ATP8A1: variants seen among roughly 807,000 people sequenced by gnomAD.
The protein encoded by ATP8A1 is phospholipid-transporting ATPase IA.
Under a neutral mutation model 177.7 loss-of-function variants are expected in ATP8A1, and 90 were observed. The ratio of observed to expected loss-of-function variants is 0.51; its 90% confidence interval spans 0.43 to 0.60. The LOEUF (loss-of-function observed/expected upper bound fraction) is 0.60. Ranked by LOEUF, ATP8A1 falls within the 20% of genes least tolerant of loss-of-function variation. The pLI, the probability that ATP8A1 is intolerant of heterozygous loss-of-function variation, is 0.00. For synonymous variants in ATP8A1, 493 were observed against 485.9 expected (o/e 1.01, Z -0.19); for missense variants, 1,072 against 1,392.8 (o/e 0.77, Z 3.67).
At chr4:42,610,488 G>A (rs73237910) in intron 5 of ATP8A1, among the ~76,000 whole-genome samples, 49,909 of 151,282 alleles carry the variant, frequency 0.33, 8,277 homozygotes, top group East Asian at 0.49. Flanking sequence ...CACGAATAAA[G>A]CACAGAGCAA....
intron 25 of ATP8A1, among the ~76,000 whole-genome samples, chr4:42,484,209 A>G (rs944992532): frequency 3.3e-5 from 5 of 152,336 alleles, no homozygotes; most frequent in Non-Finnish European, 5.9e-5. Context: ...GAGAATACCA[A>G]AGTAAAAATG....
chr4:42,563,800 G>A (rs1731083290), intron 15 of ATP8A1, among the ~76,000 whole-genome samples: 1 of 152,206 alleles, frequency 6.6e-6, no homozygotes, highest in African/African-American at 2.4e-5. Context: ...CAGAAATCAA[G>A]AATTGAGGTT....
chr4:42,566,509 A>AT (rs1482312819), intron 15 of ATP8A1, among the ~76,000 whole-genome samples: 1 of 152,176 alleles, frequency 6.6e-6, no homozygotes, highest in Non-Finnish European at 1.5e-5. Flanking sequence ...GGTTGGGCAA[A>AT]TGCTCAAAGT....
chr4:42,521,027 C>A (rs566818862), intron 22 of ATP8A1, among the ~76,000 whole-genome samples: 2 of 152,172 alleles, frequency 1.3e-5, no homozygotes, highest in East Asian at 3.9e-4. Flanking sequence ...GGGAAATAGT[C>A]CAGGGAGGTA....
In ATP8A1 at chr4:42,624,641, G is replaced by GTA; in HGVS notation, c.265-8_265-7insTA. 1 of 1,108,556 alleles carries GTA rather than the reference G, an allele frequency of 9.0e-7. No homozygotes were observed. Among genetic ancestry groups the GTA allele is most frequent in the Non-Finnish European group, 1.2e-6 (1 of 850,034 alleles). 68.7% of individuals were successfully genotyped at this position (1,108,556 alleles called of 1,614,324 possible). On this transcript the variant is annotated splice_region_variant and splice_polypyrimidine_tract_variant and intron_variant, in intron 3 of 36. Coordinates refer to ENST00000381668, the MANE Select transcript of ATP8A1 (RefSeq NM_006095.2). ...GTGACACATCAGGTATTTGCTGTTTGGAAAAAAAAAAAAAAGAGAAATCCA... is the reference window on the plus strand; with the variant it reads ...GTGACACATCAGGTATTTGCTGTTTGTAGAAAAAAAAAAAAAAGAGAAATCCA...
chr4:42,646,478 C>T lies in ATP8A1; in HGVS notation c.49+10347G>A, dbSNP rs529897424. ...AAGCTGGAAGATTTGTTTTATACAA[C>T]GTTAGCTTTACTTCAGGACCAGAAT... On this transcript the variant is annotated intron_variant, in intron 1 of 36. Coordinates refer to ENST00000381668, the MANE Select transcript of ATP8A1 (RefSeq NM_006095.2). 7.2e-5 allele frequency among the ~76,000 whole-genome samples: 11 copies of T among 152,328 alleles called. No homozygotes were observed. The South Asian group carries it at 2.1e-3, about 29-fold the overall frequency.
At position 42,507,100 on chromosome 4, in the gene ATP8A1, G is replaced by A. The variant is rs1724440987; in HGVS notation, c.2002C>T (p.Pro668Ser). ...AIEDKLQDQVPETIETLMKAD... is the reference protein window; with the variant it reads ...AIEDKLQDQVSETIETLMKAD... ...TTCATTAGCGTTTCTATGGTTTCAGGCACTTGATCTTGTAATTTATCCTCA... is the reference window on the plus strand; with the variant it reads ...TTCATTAGCGTTTCTATGGTTTCAGACACTTGATCTTGTAATTTATCCTCA... The change falls in exon 23 of 37, where the codon CCT (proline) becomes TCT (serine). Residue 668 changes from proline (P) to serine (S), a missense_variant. Around this residue, in one of 5 missense-constraint regions of ATP8A1, gnomAD observed 388 missense variants for 471.7 expected, o/e 0.82. Transcript: ENST00000381668. 1 of 1,613,866 alleles carries A rather than the reference G, an allele frequency of 6.2e-7. No individual in the cohort carries two copies. Among genetic ancestry groups the A allele is most frequent in the African/African-American group, 1.3e-5 (1 of 74,906 alleles).
At chr4:42,646,095 G>C (rs1236718576) in intron 1 of ATP8A1, among the ~76,000 whole-genome samples, 1 of 152,208 alleles carries the variant, frequency 6.6e-6, no homozygotes, top group Non-Finnish European at 1.5e-5. Context: ...ATGGGGCAAC[G>C]ATGTGGGTTC....
At chr4:42,420,446 T>C (rs778009111) in intron 35 of ATP8A1, among the ~76,000 whole-genome samples, 12 of 152,166 alleles carry the variant, frequency 7.9e-5, no homozygotes, top group Admixed American at 5.2e-4. Context: ...TATGGAGAAG[T>C]TGGTGGTCAT....
rs1713046518 is a variant in ATP8A1 at position 42,414,817 on chromosome 4, A to G, written c.3306-99T>C. 3 of 847,072 alleles carry G rather than the reference A, an allele frequency of 3.5e-6. No individual in the cohort carries two copies. In the South Asian group the frequency reaches 4.3e-5, roughly 12 times the overall value. The allele number at this position is 847,072 out of a possible 1,614,324, so 52.5% of individuals were successfully genotyped here. A position where few individuals can be genotyped will look rare whatever the true frequency, so the allele number is the denominator to read the frequency against. On this transcript the variant is annotated intron_variant, in intron 35 of 36. Transcript: ENST00000381668. The stretch of plus-strand genomic sequence containing the variant: ...AAAGAGAGTTAGACTTAAACAAAAG[A>G]TTGCTCGAGAAATCCGTAGCCTAGT...
chr4:42,525,277 G>A (rs1336703530), intron 20 of ATP8A1, among the ~76,000 whole-genome samples: 1 of 152,156 alleles, frequency 6.6e-6, no homozygotes, highest in Non-Finnish European at 1.5e-5. Flanking sequence ...AATCCTCGGG[G>A]ACTTTAAAAT....
intron 16 of ATP8A1, among the ~76,000 whole-genome samples, chr4:42,555,148 ATCTATCTATCT>A (rs1560454885): frequency 2.5e-3 from 221 of 87,294 alleles, no homozygotes; most frequent in Non-Finnish European, 3.6e-3. Flanking sequence ...TAATCTATCT[ATCTATCTATCT>A]ATCTATCTAT....
intron 20 of ATP8A1, among the ~76,000 whole-genome samples, chr4:42,541,600 T>C (rs960896003): frequency 6.6e-6 from 1 of 152,214 alleles, no homozygotes; most frequent in African/African-American, 2.4e-5. Context: ...ATTCATATAA[T>C]GGCCAAAATT....
rs571314470 is a variant in ATP8A1, at chr4:42,574,528, T to A, written c.1295+91A>T. The A allele has an allele frequency of 3.0e-4, 303 of 1,008,920 alleles. 2 individuals carry two copies. In the South Asian group the frequency reaches 3.7e-3, roughly 12 times the overall value. The allele number at this position is 1,008,920 out of a possible 1,614,324, so 62.5% of individuals were successfully genotyped here. On this transcript the variant is annotated intron_variant, in intron 14 of 36. Transcript: ENST00000381668. ...GACTAAAAAAAACCAAACAACCCCA[T>A]ACCCTCCCCTAATAAGAACTCCCAA...
At chr4:42,489,283 C>G (rs1578036541) in intron 24 of ATP8A1, among the ~76,000 whole-genome samples, 1 of 152,130 alleles carries the variant, frequency 6.6e-6, no homozygotes, top group East Asian at 1.9e-4. Flanking sequence ...TCAAGTAAAC[C>G]CCAGAACTGT....
intron 5 of ATP8A1, among the ~76,000 whole-genome samples, chr4:42,611,904 G>A (rs756630544): frequency 6.6e-6 from 1 of 152,206 alleles, no homozygotes; most frequent in Admixed American, 6.5e-5. Flanking sequence ...TAGACACATG[G>A]AGGAGGCTGT....
Position 42,523,958 on chromosome 4 carries a change from A to G in ATP8A1, c.1807+805T>C, listed in dbSNP as rs145684990. On this transcript the variant is annotated intron_variant, in intron 21 of 36. Transcript: ENST00000381668. Reference sequence around the variant, plus strand: ...CTGAATTAACGGGAAAAAGTATTTGATTAGGTCAGTTTGGTGCCACTGGCA... The same window carrying G: ...CTGAATTAACGGGAAAAAGTATTTGGTTAGGTCAGTTTGGTGCCACTGGCA... 1.3e-3 allele frequency among the ~76,000 whole-genome samples: 203 copies of G among 152,194 alleles called. 1 individual carries two copies. The highest frequency in any genetic ancestry group is 4.7e-3 in the African/African-American group (194 of 41,530).
At chr4:42,624,855 T>C (rs533148804) in intron 3 of ATP8A1, among the ~76,000 whole-genome samples, 83 of 152,256 alleles carry the variant, frequency 5.5e-4, no homozygotes, top group Admixed American at 3.3e-4. Context: ...ACAACCTCCA[T>C]TGGAAGACTG....
intron 22 of ATP8A1, among the ~76,000 whole-genome samples, chr4:42,507,356 A>G (rs1724476101): frequency 6.6e-6 from 1 of 152,178 alleles, no homozygotes; most frequent in Non-Finnish European, 1.5e-5. Context: ...AGGCTCCCTG[A>G]AACTGTCTAA....
Sources: gnomAD v4.1 joint callset for allele counts (sites outside exome capture counted in the v4.1 genomes callset) on GRCh38, gnomAD v4.1.1 for gene constraint, gnomAD v4.1.1 regional missense constraint, MANE v1.5 for transcripts, NCBI Gene and HGNC (gene_info 2026-07-23, HGNC 2026-07-21) for gene names.